PKHD1: variants seen among roughly 807,000 people sequenced by gnomAD.
PKHD1 encodes the protein fibrocystin.
In PKHD1, 291 loss-of-function variants were observed where a neutral mutation model predicts 412.0. That is an observed-to-expected ratio of 0.71 (90% confidence interval 0.64 to 0.78). The LOEUF (loss-of-function observed/expected upper bound fraction) is 0.78. PKHD1 is among the 30% of genes least tolerant of loss of function. PKHD1 has a pLI of 0.00. For missense variants in PKHD1, 4,825 were observed against 4,950.7 expected, an observed-to-expected ratio of 0.97 and a Z score of 0.76; for synonymous variants, 1,777 against 1,821.5, an observed-to-expected ratio of 0.98 and a Z score of 0.62.
intron 60 of PKHD1, among the ~76,000 whole-genome samples, chr6:51,722,408 T>G (rs558247315): frequency 6.6e-6 from 1 of 152,314 alleles, no homozygotes; most frequent in South Asian, 2.1e-4. Flanking sequence ...AGAAAAAGCA[T>G]GGGCCCTGAA....
intron 32 of PKHD1, 133 bp from the exon 33 acceptor site, chr6:52,023,077 G>A (rs1347246046): frequency 9.6e-6 from 10 of 1,036,348 alleles, no homozygotes; most frequent in South Asian, 9.5e-5. Flanking sequence ...CAACTGGCTT[G>A]AGGTGGCTGC....
chr6:51,757,151 G>T (rs1464243783), intron 55 of PKHD1, among the ~76,000 whole-genome samples: 1 of 152,116 alleles, frequency 6.6e-6, no homozygotes, highest in Non-Finnish European at 1.5e-5. Flanking sequence ...GGCCCTGGGG[G>T]TTGGGGACCC....
intron 52 of PKHD1, among the ~76,000 whole-genome samples, chr6:51,826,514 G>A (rs1767349802): frequency 6.6e-6 from 1 of 152,154 alleles, no homozygotes; most frequent in Non-Finnish European, 1.5e-5. Flanking sequence ...GAAGCTAGAG[G>A]GATCTTTTGC....
At chr6:52,019,745 A>G (rs1403955017) in intron 33 of PKHD1, among the ~76,000 whole-genome samples, 1 of 152,230 alleles carries the variant, frequency 6.6e-6, no homozygotes, top group Non-Finnish European at 1.5e-5. Flanking sequence ...TATAAATGCA[A>G]GAAAGCCAAA....
At chr6:51,685,891 A>T (rs1024560343) in intron 60 of PKHD1, among the ~76,000 whole-genome samples, 1 of 152,180 alleles carries the variant, frequency 6.6e-6, no homozygotes, top group Non-Finnish European at 1.5e-5. Context: ...ACTCACTGTC[A>T]GGAAAACACA....
chr6:51,896,658 G>A (rs1476518626), intron 43 of PKHD1, among the ~76,000 whole-genome samples: 1 of 152,188 alleles, frequency 6.6e-6, no homozygotes, highest in Non-Finnish European at 1.5e-5. Flanking sequence ...AACAAAGCTG[G>A]ACGGAGAATG....
At chr6:51,872,413 T>TG (rs1397287836) in intron 46 of PKHD1, among the ~76,000 whole-genome samples, 5 of 38,972 alleles carry the variant, frequency 1.3e-4, no homozygotes, top group Admixed American at 3.9e-4. Flanking sequence ...TTTTGTTTTT[T>TG]GGTTTTTTTT....
chr6:51,621,093 C>T (rs972320269), intron 66 of PKHD1, among the ~76,000 whole-genome samples: 2 of 152,108 alleles, frequency 1.3e-5, no homozygotes, highest in African/African-American at 4.8e-5. Flanking sequence ...TTGATTTATG[C>T]CTCAATACTT....
intron 52 of PKHD1, among the ~76,000 whole-genome samples, chr6:51,803,081 G>A (rs1296164493): frequency 6.6e-6 from 1 of 151,232 alleles, no homozygotes; most frequent in Non-Finnish European, 1.5e-5. Flanking sequence ...ATTTTAATAT[G>A]TTGTACCAAA....
chr6:52,018,579 T>C (rs1286014739), intron 33 of PKHD1, among the ~76,000 whole-genome samples: 1 of 152,178 alleles, frequency 6.6e-6, no homozygotes, highest in Non-Finnish European at 1.5e-5. Flanking sequence ...TGTGGCACAA[T>C]TTCACCTCAC....
rs773854148 is a variant in PKHD1 at position 51,748,022 on chromosome 6, A to T, written c.9594T>A (p.Ile3198=). Residue 3198 remains isoleucine (I), a synonymous_variant, in exon 58 of 67, where the codon ATT becomes ATA. Coordinates refer to ENST00000371117, the MANE Select transcript of PKHD1 (RefSeq NM_138694.4). ...CCACAATGACTGAATTCCTAAGCAC[A>T]ATCTGCACTTTTTTGACGGAATTTT... ...APQNSVKKVQ[I]VLRNSVIVAT... 7 of 1,614,006 alleles carry T rather than the reference A, an allele frequency of 4.3e-6. No individual in the cohort carries two copies. Among genetic ancestry groups the T allele is most frequent in the South Asian group, 2.2e-5 (2 of 91,090 alleles).
chr6:52,042,977 A>G lies in PKHD1; in HGVS notation c.2979T>C (p.His993=), dbSNP rs528105052. Reference sequence around the variant, plus strand: ...AGGGTCTCACCAACATCAAGATCCGATGCATTCCAACAGGTAGCAAATCTG... The same window carrying G: ...AGGGTCTCACCAACATCAAGATCCGGTGCATTCCAACAGGTAGCAAATCTG... The part of the protein sequence containing the change: ...CQTDLLPVGM[H]RILMLVRPSG... The change falls in exon 27 of 67, where the codon CAT becomes CAC. Residue 993 remains histidine (H), a synonymous_variant. Transcript: ENST00000371117. The G allele has an allele frequency of 9.9e-6, 16 of 1,614,036 alleles. No homozygotes were observed. In the South Asian group the frequency reaches 1.6e-4, roughly 17 times the overall value.
intron 52 of PKHD1, among the ~76,000 whole-genome samples, chr6:51,808,835 C>T (rs1181937772): frequency 6.6e-6 from 1 of 152,102 alleles, no homozygotes; most frequent in African/African-American, 2.4e-5. Flanking sequence ...TTTATTCTGA[C>T]TTCAGTTTTT....
intron 37 of PKHD1, among the ~76,000 whole-genome samples, chr6:51,924,308 C>T (rs1785183428): frequency 1.3e-5 from 2 of 152,164 alleles, no homozygotes; most frequent in Admixed American, 1.3e-4. Flanking sequence ...ATCTACACCA[C>T]ATTAACCATT....
rs778342220 is a variant in PKHD1, at chr6:52,022,969, T to G, written c.5237-25A>C. The G allele has an allele frequency of 5.6e-6, 9 of 1,613,964 alleles. No homozygotes were observed. In the East Asian group the frequency reaches 2.0e-4, roughly 36 times the overall value. ...CCTTTAAAGACAAAGGTACAAGTTC[T>G]TGATCATACAGGCAAATCTCCCTTC... On this transcript the variant is annotated intron_variant, in intron 32 of 66. Transcript: ENST00000371117.
At position 52,017,606 on chromosome 6, in the gene PKHD1, G is replaced by C. The variant is rs1800750150; in HGVS notation, c.5404C>G (p.Leu1802Val). 6.2e-7 allele frequency: 1 copy of C among 1,613,614 alleles called. No homozygotes were observed. The highest frequency in any genetic ancestry group is 1.3e-5 in the African/African-American group (1 of 75,028). Residue 1802 changes from leucine to valine, a missense_variant, in exon 34 of 67, where the codon CTG (leucine) becomes GTG (valine). Transcript: ENST00000371117. ...TCACAGCTGTCCTCCTCACGCTTCA[G>C]GCCACACAGGAAGGCCAAGGACACT... ...LDVSLAFLCG[L>V]KREEDSCEAA...
chr6:51,682,174 A>G (rs1359858655), intron 60 of PKHD1: 1 of 454,704 alleles, frequency 2.2e-6, no homozygotes, highest in Non-Finnish European at 4.4e-6. Flanking sequence ...CTCCGAACAT[A>G]TATACTATCT....
chr6:51,931,568 G>A (rs1043865678), intron 37 of PKHD1, among the ~76,000 whole-genome samples: 9 of 152,144 alleles, frequency 5.9e-5, no homozygotes, highest in African/African-American at 9.7e-5. Context: ...GTGGGGCTGC[G>A]ATTCTCTGAC....
intron 35 of PKHD1, among the ~76,000 whole-genome samples, chr6:51,980,404 G>T (rs1794988692): frequency 6.6e-6 from 1 of 152,156 alleles, no homozygotes; most frequent in Non-Finnish European, 1.5e-5. Context: ...ATGTGCTACA[G>T]TTCATAAAGT....
Sources: gnomAD v4.1 joint callset for allele counts (sites outside exome capture counted in the v4.1 genomes callset) on GRCh38, gnomAD v4.1.1 for gene constraint, MANE v1.5 for transcripts, NCBI Gene and HGNC (gene_info 2026-07-23, HGNC 2026-07-21) for gene names.